The following TDRP variants were observed in gnomAD, a reference collection of about 807,000 sequenced individuals.
The protein encoded by TDRP is testis development related protein, also known as testis development-related protein.
A neutral mutation model predicts 10.5 loss-of-function variants in TDRP; 12 were observed. That is an observed-to-expected ratio of 1.15 (90% CI 0.73 to 1.86). The LOEUF (loss-of-function observed/expected upper bound fraction) is 1.86, where lower values mean the gene tolerates loss of function less well. Among genes scored for constraint, TDRP ranks in the 40% most tolerant of loss-of-function variants. TDRP has a pLI of 0.00. For synonymous variants in TDRP, 139 were observed against 95.4 expected (o/e 1.46, Z -2.67); for missense variants, 353 against 229.2 (o/e 1.54, Z -3.49).
intron 2 of TDRP, among the ~76,000 whole-genome samples, chr8:493,791 T>G (rs867043969): frequency 1.3e-4 from 20 of 152,184 alleles, no homozygotes; most frequent in African/African-American, 3.9e-4. Context: ...TTTTGTTTTG[T>G]TTTGGTTTGG....
chr8:510,574 T>C (rs1313976654), intron 1 of TDRP, among the ~76,000 whole-genome samples: 1 of 152,150 alleles, frequency 6.6e-6, no homozygotes, highest in African/African-American at 2.4e-5. Context: ...GGCAGTGGAA[T>C]AACACAATCA....
chr8:543,699 T>C (rs1802559649), intron 1 of TDRP, among the ~76,000 whole-genome samples: 1 of 152,176 alleles, frequency 6.6e-6, no homozygotes, highest in Non-Finnish European at 1.5e-5. Flanking sequence ...ATAGAAAATC[T>C]CTATCAAGAA....
intron 1 of TDRP, among the ~76,000 whole-genome samples, chr8:531,500 C>G (rs35475931): frequency 0.079 from 12,096 of 152,174 alleles, 528 homozygotes; most frequent in Middle Eastern, 0.12. Flanking sequence ...CAGAAGGAAA[C>G]TGAATTGTAG....
chr8:504,394 C>G lies in TDRP; in HGVS notation c.109-9797G>C, dbSNP rs1458504941. On this transcript the variant is annotated intron_variant, in intron 1 of 2. Coordinates refer to ENST00000324079, the MANE Select transcript of TDRP (RefSeq NM_001384899.1). ...TGGGGGTGCAGCAATAAAGCATTCACTTCAAGAGTCCTGAAGTCAGTGGGG... is the reference window on the plus strand; with the variant it reads ...TGGGGGTGCAGCAATAAAGCATTCAGTTCAAGAGTCCTGAAGTCAGTGGGG... Among the ~76,000 whole-genome samples the G allele has an allele frequency of 3.9e-5, 6 of 152,224 alleles. No homozygotes were observed. In the East Asian group the frequency reaches 9.7e-4, roughly 25 times the overall value.
At chr8:527,567 A>G (rs190249746) in intron 1 of TDRP, among the ~76,000 whole-genome samples, 1 of 152,314 alleles carries the variant, frequency 6.6e-6, no homozygotes, top group East Asian at 1.9e-4. Context: ...CACATAGGCC[A>G]ATGAAAGAGA....
rs528340520 is a variant in TDRP, at chr8:503,988, G to A, written c.109-9391C>T. ...AGCACAAGTCAACATGGAATCAAGAGCCACACACTGGAACCAATGCCCACC... is the reference window on the plus strand; with the variant it reads ...AGCACAAGTCAACATGGAATCAAGAACCACACACTGGAACCAATGCCCACC... On this transcript the variant is annotated intron_variant, in intron 1 of 2. Coordinates refer to ENST00000324079, the MANE Select transcript of TDRP (RefSeq NM_001384899.1). Among the ~76,000 whole-genome samples the A allele has an allele frequency of 1.7e-3, 251 of 144,592 alleles. 5 individuals are homozygous for A. Among genetic ancestry groups the A allele is most frequent in the Middle Eastern group, 3.9e-3 (1 of 256 alleles). The allele number at this position is 144,592 out of a possible 152,430, so 94.9% of individuals were successfully genotyped here. A position where few individuals can be genotyped will look rare whatever the true frequency, so the allele number is the denominator to read the frequency against.
At chr8:536,380 A>T (rs2116869895) in intron 1 of TDRP, among the ~76,000 whole-genome samples, 1 of 152,382 alleles carries the variant, frequency 6.6e-6, no homozygotes, top group Middle Eastern at 3.4e-3. Context: ...GACCTGAAAT[A>T]GGGCTAGTCA....
At chr8:530,228 T>C (rs1246340159) in intron 1 of TDRP, among the ~76,000 whole-genome samples, 1 of 152,074 alleles carries the variant, frequency 6.6e-6, no homozygotes, top group East Asian at 1.9e-4. Flanking sequence ...GTTGATATTC[T>C]TGTTATTGCA....
At chr8:524,121 G>A (rs1475163859) in intron 1 of TDRP, among the ~76,000 whole-genome samples, 3 of 152,198 alleles carry the variant, frequency 2.0e-5, no homozygotes, top group Non-Finnish European at 4.4e-5. Flanking sequence ...ATTTGTTCGG[G>A]AGAAAGTAAG....
rs772020843 is a variant in TDRP at position 544,805 on chromosome 8, T to C, written c.-48A>G. 2.4e-5 allele frequency: 29 copies of C among 1,184,584 alleles called. No individual in the cohort carries two copies. The highest frequency in any genetic ancestry group is 2.7e-5 in the Non-Finnish European group (26 of 946,402). 73.4% of individuals were successfully genotyped at this position (1,184,584 alleles called of 1,614,324 possible). A position where few individuals can be genotyped will look rare whatever the true frequency, so the allele number is the denominator to read the frequency against. ...CTCCGTCCGTGCGTCGGGCTGTGGC[T>C]CCGCGTCCCTCCCGGCCGCCGGACG... On this transcript the variant is annotated 5_prime_UTR_variant, in exon 1 of 3. Coordinates refer to ENST00000324079, the MANE Select transcript of TDRP (RefSeq NM_001384899.1).
At chr8:541,646 C>T (rs765368980) in intron 1 of TDRP, among the ~76,000 whole-genome samples, 1 of 152,162 alleles carries the variant, frequency 6.6e-6, no homozygotes, top group Non-Finnish European at 1.5e-5. Context: ...GACAAGTATG[C>T]GTCTGAAAAG....
intron 2 of TDRP, 112 bp downstream of exon 2, chr8:494,382 C>T: frequency 1.9e-6 from 2 of 1,050,618 alleles, no homozygotes; most frequent in Non-Finnish European, 2.8e-6. Context: ...TCGCCGCGCC[C>T]CACAATGCCT....
intron 1 of TDRP, among the ~76,000 whole-genome samples, chr8:522,445 T>C (rs1290780423): frequency 2.0e-5 from 3 of 152,246 alleles, no homozygotes; most frequent in Non-Finnish European, 2.9e-5. Flanking sequence ...CCCTTTGCCA[T>C]GCATTGTGAA....
chr8:532,316 C>G (rs553549758), intron 1 of TDRP, among the ~76,000 whole-genome samples: 7 of 152,342 alleles, frequency 4.6e-5, no homozygotes, highest in South Asian at 4.1e-4. Flanking sequence ...CATGCACCCA[C>G]TGAAACCTGC....
At chr8:506,199 C>A (rs1442028926) in intron 1 of TDRP, among the ~76,000 whole-genome samples, 1 of 152,198 alleles carries the variant, frequency 6.6e-6, no homozygotes, top group Non-Finnish European at 1.5e-5. Context: ...CACATAGGAT[C>A]TCTGGAAATG....
intron 1 of TDRP, among the ~76,000 whole-genome samples, chr8:506,891 A>C (rs1414610966): frequency 6.6e-6 from 1 of 152,194 alleles, no homozygotes; most frequent in Admixed American, 6.5e-5. Flanking sequence ...GGAACACTGG[A>C]GTCTGTGGTG....
chr8:506,471 C>G (rs530319390), intron 1 of TDRP, among the ~76,000 whole-genome samples: 1 of 152,120 alleles, frequency 6.6e-6, no homozygotes, highest in Non-Finnish European at 1.5e-5. Flanking sequence ...GACACTAAGC[C>G]GCAGCTGAAT....
chr8:491,817 G>GA lies in TDRP; in HGVS notation c.*581dup. The GA allele has an allele frequency of 1.6e-6, 2 of 1,246,630 alleles. No homozygotes were observed. Among genetic ancestry groups the GA allele is most frequent in the South Asian group, 6.7e-5 (2 of 29,812 alleles). 77.2% of individuals were successfully genotyped at this position (1,246,630 alleles called of 1,614,324 possible). Reference sequence around the variant, plus strand: ...AGCTATTCCTCCCTCAGCAAAAGATGAACATGCATTTTAAGATACATTTTA... The same window carrying GA: ...AGCTATTCCTCCCTCAGCAAAAGATGAAACATGCATTTTAAGATACATTTTA... On this transcript the variant is annotated 3_prime_UTR_variant, in exon 3 of 3. Coordinates refer to ENST00000324079, the MANE Select transcript of TDRP (RefSeq NM_001384899.1).
At chr8:521,680 T>C (rs1801909474) in intron 1 of TDRP, among the ~76,000 whole-genome samples, 1 of 152,186 alleles carries the variant, frequency 6.6e-6, no homozygotes. Context: ...CTTCCAGTTT[T>C]TGTTTTTGTT....
Sources: gnomAD v4.1 joint callset for allele counts (sites outside exome capture counted in the v4.1 genomes callset) on GRCh38, gnomAD v4.1.1 for gene constraint, MANE v1.5 for transcripts, NCBI Gene and HGNC (gene_info 2026-07-23, HGNC 2026-07-21) for gene names.